Variants in GRIA2 observed in about 807,000 individuals in gnomAD.
GRIA2 encodes glutamate receptor 2.
In GRIA2, 14 loss-of-function variants were observed where a neutral mutation model predicts 97.3. The observed-to-expected ratio is 0.14, with a 90% confidence interval of 0.10 to 0.23. The LOEUF (loss-of-function observed/expected upper bound fraction) is 0.23. Ranked by LOEUF, GRIA2 falls within the 10% of genes least tolerant of loss-of-function variation. The probability of loss-of-function intolerance (pLI) is 1.00; values close to 1 mark genes in which losing one functional copy is unlikely to be tolerated. For synonymous variants in GRIA2, 412 were observed against 387.8 expected (o/e 1.06, Z -0.73); for missense variants, 558 against 1,069.8 (o/e 0.52, Z 6.67).
At chr4:157,270,925 G>GT (rs112137551) in intron 2 of GRIA2, among the ~76,000 whole-genome samples, 30,663 of 145,050 alleles carry the variant, frequency 0.21, 4,034 homozygotes, top group African/African-American at 0.39. Flanking sequence ...ACTACAATTT[G>GT]TTTTTTTTTT....
At chr4:157,231,499 A>G (rs1463286872) in intron 2 of GRIA2, among the ~76,000 whole-genome samples, 3 of 152,208 alleles carry the variant, frequency 2.0e-5, no homozygotes, top group Non-Finnish European at 4.4e-5. Context: ...TTCTCTGAGG[A>G]AAAAACACAA....
At chr4:157,307,881 A>AT (rs1339203124) in intron 3 of GRIA2, among the ~76,000 whole-genome samples, 2 of 152,202 alleles carry the variant, frequency 1.3e-5, no homozygotes, top group Admixed American at 6.5e-5. Context: ...TCAAATTATA[A>AT]TTTTTTCCCT....
At chr4:157,321,338 T>C in intron 5 of GRIA2, 100 bp from the exon 6 acceptor site, 1 of 804,524 alleles carries the variant, frequency 1.2e-6, no homozygotes, top group South Asian at 1.8e-5. Context: ...ATATGTTCTT[T>C]GAAATATCTA....
chr4:157,277,684 G>A (rs184943444), intron 2 of GRIA2, among the ~76,000 whole-genome samples: 2 of 151,246 alleles, frequency 1.3e-5, no homozygotes, highest in African/African-American at 4.8e-5. Context: ...AAGGTTGCAG[G>A]ATTCAAGGTG....
intron 10 of GRIA2, 48 bp downstream of exon 10, chr4:157,335,925 G>A (rs1312161746): frequency 3.3e-6 from 4 of 1,197,956 alleles, no homozygotes; most frequent in South Asian, 1.3e-5. Flanking sequence ...TTGAATTGTT[G>A]TTGACAGACT....
chr4:157,275,830 T>C (rs1732280137), intron 2 of GRIA2, among the ~76,000 whole-genome samples: 1 of 152,158 alleles, frequency 6.6e-6, no homozygotes, highest in Admixed American at 6.6e-5. Context: ...TCTTTTGGCT[T>C]AGGATTGACT....
chr4:157,275,989 C>T (rs1324849168), intron 2 of GRIA2, among the ~76,000 whole-genome samples: 1 of 152,064 alleles, frequency 6.6e-6, no homozygotes, highest in Non-Finnish European at 1.5e-5. Flanking sequence ...ATTCTTCCAA[C>T]CCATGAGCAT....
intron 6 of GRIA2, among the ~76,000 whole-genome samples, chr4:157,330,705 G>A (rs1411560534): frequency 2.0e-5 from 3 of 151,850 alleles, no homozygotes; most frequent in South Asian, 4.1e-4. Flanking sequence ...TACATTTAAA[G>A]CAAAGTAAAA....
intron 11 of GRIA2, among the ~76,000 whole-genome samples, chr4:157,340,217 A>C (rs186422975): frequency 2.2e-4 from 34 of 152,024 alleles, no homozygotes; most frequent in Middle Eastern, 6.8e-3. Context: ...TCATGATCTA[A>C]ATTTTTAGAA....
chr4:157,350,950 C>G (rs1271461234), intron 12 of GRIA2, among the ~76,000 whole-genome samples: 1 of 115,132 alleles, frequency 8.7e-6, no homozygotes, highest in African/African-American at 3.4e-5. Context: ...TTTTTTTTTG[C>G]TCATTGTCCT....
intron 2 of GRIA2, among the ~76,000 whole-genome samples, chr4:157,241,887 G>C (rs1730528635): frequency 6.6e-6 from 1 of 152,032 alleles, no homozygotes; most frequent in Non-Finnish European, 1.5e-5. Context: ...TTAGAATAAG[G>C]GAAAGAGATG....
intron 12 of GRIA2, among the ~76,000 whole-genome samples, chr4:157,355,790 TTAG>T (rs1474369940): frequency 4.0e-5 from 3 of 75,238 alleles, no homozygotes; most frequent in African/African-American, 1.2e-4. Context: ...TTTATATATA[TTAG>T]TTATATATAT....
intron 2 of GRIA2, among the ~76,000 whole-genome samples, chr4:157,269,570 T>G (rs1731926410): frequency 6.6e-6 from 1 of 152,030 alleles, no homozygotes; most frequent in South Asian, 2.1e-4. Context: ...CCTGAACTGT[T>G]CATCATCATC....
chr4:157,263,555 C>G (rs62331528), intron 2 of GRIA2, among the ~76,000 whole-genome samples: 11,041 of 151,990 alleles, frequency 0.073, 525 homozygotes, highest in Non-Finnish European at 0.1. Context: ...CAGGTGGGAT[C>G]AAAGGGTTTT....
chr4:157,330,755 AT>A lies in GRIA2; in HGVS notation c.883-2058del, dbSNP rs571001945. 2.3e-3 allele frequency among the ~76,000 whole-genome samples: 347 copies of A among 152,028 alleles called. 2 individuals are homozygous for A. In the Middle Eastern group the frequency reaches 0.037, roughly 16 times the overall value. On this transcript the variant is annotated intron_variant, in intron 6 of 15. Transcript: ENST00000264426. ...ATGGACTGTAAAAACGATTTCCCTG[AT>A]TTTTTCTTAATGTGTGGCTATGACG...
intron 2 of GRIA2, among the ~76,000 whole-genome samples, chr4:157,260,995 G>T (rs1407781575): frequency 6.6e-6 from 1 of 152,036 alleles, no homozygotes; most frequent in Non-Finnish European, 1.5e-5. Flanking sequence ...TGAGGGCAAA[G>T]TCAAAATAAT....
At chr4:157,220,138 G>A (rs1403997806), upstream of GRIA2, 1 of 152,220 alleles carries the variant, frequency 6.6e-6, no homozygotes, top group East Asian at 1.9e-4. Flanking sequence ...GCTTTCGGCT[G>A]GGTCAGGTGA....
chr4:157,223,805 G>C (rs775882552), intron 2 of GRIA2, among the ~76,000 whole-genome samples: 1 of 152,148 alleles, frequency 6.6e-6, no homozygotes, highest in African/African-American at 2.4e-5. Context: ...ATAATGAGAA[G>C]AACTTTCTGC....
intron 2 of GRIA2, among the ~76,000 whole-genome samples, chr4:157,294,177 G>A (rs1733233736): frequency 6.7e-6 from 1 of 149,628 alleles, no homozygotes; most frequent in African/African-American, 2.5e-5. Flanking sequence ...CAGACAGTAA[G>A]GTGATAAAGT....
Sources: allele counts gnomAD v4.1 joint callset (sites outside exome capture counted in the v4.1 genomes callset), GRCh38; gene constraint gnomAD v4.1.1; transcripts MANE v1.5; gene names NCBI Gene and HGNC (gene_info 2026-07-23, HGNC 2026-07-21).